Variants in CFTR observed in about 807,000 individuals in gnomAD.
CFTR encodes the protein cystic fibrosis transmembrane conductance regulator.
Under a neutral mutation model 171.6 loss-of-function variants are expected in CFTR, and 181 were observed. The observed-to-expected ratio is 1.05, with a 90% CI of 0.93 to 1.19. The LOEUF is 1.19. Among genes scored for constraint, CFTR ranks in the 50% most tolerant of loss-of-function variants. The pLI is 0.00. For missense variants in CFTR, 1,968 were observed against 1,734.7 expected, an observed-to-expected ratio of 1.13 and a Z score of -2.39; for synonymous variants, 583 against 608.0, an observed-to-expected ratio of 0.96 and a Z score of 0.60.
chr7:117,563,312 C>T (rs1200792098), intron 11 of CFTR, among the ~76,000 whole-genome samples: 1 of 151,920 alleles, frequency 6.6e-6, no homozygotes, highest in Non-Finnish European at 1.5e-5. Context: ...GTACTATTTG[C>T]TATATCTGAC....
At chr7:117,607,965 G>A (rs930154442) in intron 18 of CFTR, among the ~76,000 whole-genome samples, 1 of 152,160 alleles carries the variant, frequency 6.6e-6, no homozygotes, top group Non-Finnish European at 1.5e-5. Flanking sequence ...TTCATGTTAA[G>A]AGTGTAAATA....
At chr7:117,513,243 G>T (rs1798549405) in intron 3 of CFTR, among the ~76,000 whole-genome samples, 2 of 152,094 alleles carry the variant, frequency 1.3e-5, no homozygotes, top group South Asian at 4.2e-4. Flanking sequence ...CAGAAAGAAT[G>T]GGGGTTTGGA....
Position 117,575,103 on chromosome 7 carries a change from T to C in CFTR, c.1585-12636T>C, listed in dbSNP as rs186444233. ...ATTCAAGAGACTTTTCTGACATATA[T>C]ATCTATAGGTGAATTGTGTAGTCAT... is the stretch of plus-strand genomic sequence containing the variant. On this transcript the variant is annotated intron_variant, in intron 11 of 26. Transcript: ENST00000003084. Among the ~76,000 whole-genome samples the C allele has an allele frequency of 5.3e-4, 81 of 152,294 alleles. 1 individual carries two copies. Among genetic ancestry groups the C allele is most frequent in the African/African-American group, 1.9e-3 (79 of 41,582 alleles).
At chr7:117,497,444 T>C (rs577899675) in intron 1 of CFTR, among the ~76,000 whole-genome samples, 1 of 152,322 alleles carries the variant, frequency 6.6e-6, no homozygotes, top group Non-Finnish European at 1.5e-5. Flanking sequence ...AACATTGAAT[T>C]TGGCTCTCAT....
intron 21 of CFTR, among the ~76,000 whole-genome samples, chr7:117,621,097 T>A (rs1168665327): frequency 6.6e-6 from 1 of 152,062 alleles, no homozygotes; most frequent in African/African-American, 2.4e-5. Context: ...TGAGACTCCA[T>A]CACAAACAAA....
In CFTR at chr7:117,518,858, G is replaced by A. The variant is rs1798641906; in HGVS notation, c.273+9716G>A. 2.0e-5 allele frequency among the ~76,000 whole-genome samples: 3 copies of A among 152,126 alleles called. No homozygotes were observed. In the South Asian group the frequency reaches 6.2e-4, roughly 32 times the overall value. On this transcript the variant is annotated intron_variant, in intron 3 of 26. Coordinates refer to ENST00000003084, the MANE Select transcript of CFTR (RefSeq NM_000492.4). Reference sequence around the variant, plus strand: ...CCAGTTTGATTTTTATAAGGCACAAGAATATATTTTACTAATGCTTTAAAA... The same window carrying A: ...CCAGTTTGATTTTTATAAGGCACAAAAATATATTTTACTAATGCTTTAAAA...
chr7:117,595,117 G>A, intron 15 of CFTR, 59 bp downstream of exon 15: 1 of 1,425,168 alleles, frequency 7.0e-7, no homozygotes, highest in African/African-American at 1.5e-5. Flanking sequence ...GATAGTTTGG[G>A]GATGTATACA....
chr7:117,602,724 T>A, intron 15 of CFTR, 102 bp from the exon 16 acceptor site: 10 of 935,956 alleles, frequency 1.1e-5, no homozygotes, highest in Non-Finnish European at 1.8e-5. Context: ...ACCTTGATAT[T>A]GGTACACACA....
At chr7:117,587,910 A>C (rs1432887341) in intron 12 of CFTR, 77 bp downstream of exon 12, 1 of 872,034 alleles carries the variant, frequency 1.1e-6, no homozygotes, top group Non-Finnish European at 1.9e-6. Flanking sequence ...ACATTTCTCT[A>C]TTGCTTTATA....
intron 22 of CFTR, among the ~76,000 whole-genome samples, chr7:117,639,934 C>T (rs1473877807): frequency 6.6e-6 from 1 of 152,138 alleles, no homozygotes; most frequent in Admixed American, 6.6e-5. Context: ...TTACAAGAGT[C>T]TTCCATCTGT....
At chr7:117,529,777 C>A (rs1415844519) in intron 3 of CFTR, among the ~76,000 whole-genome samples, 3 of 152,024 alleles carry the variant, frequency 2.0e-5, no homozygotes, top group Admixed American at 6.6e-5. Flanking sequence ...TGGACAAAAA[C>A]CCCTCAAATT....
At chr7:117,534,551 C>T (rs1288948080) in intron 5 of CFTR, among the ~76,000 whole-genome samples, 186 bp downstream of exon 5, 1 of 152,156 alleles carries the variant, frequency 6.6e-6, no homozygotes, top group Non-Finnish European at 1.5e-5. Flanking sequence ...TCTGGTAGAA[C>T]CACCCAACTC....
At chr7:117,625,380 A>C (rs907468778) in intron 21 of CFTR, among the ~76,000 whole-genome samples, 1 of 152,198 alleles carries the variant, frequency 6.6e-6, no homozygotes, top group Non-Finnish European at 1.5e-5. Context: ...CTAATGGAGA[A>C]TGTAATTTGC....
chr7:117,627,349 A>ATATCC, intron 21 of CFTR, among the ~76,000 whole-genome samples, 173 bp from the exon 22 acceptor site: 1 of 152,154 alleles, frequency 6.6e-6, no homozygotes, highest in Admixed American at 6.6e-5. Flanking sequence ...CTCTTCAGTT[A>ATATCC]AACTTTTAAT....
intron 6 of CFTR, among the ~76,000 whole-genome samples, chr7:117,535,769 G>C (rs1798943567): frequency 6.6e-6 from 1 of 151,970 alleles, no homozygotes; most frequent in Non-Finnish European, 1.5e-5. Flanking sequence ...CCTGACCTCA[G>C]GTGATCCGCC....
At chr7:117,501,674 G>A (rs1188489707) in intron 1 of CFTR, among the ~76,000 whole-genome samples, 1 of 146,342 alleles carries the variant, frequency 6.8e-6, no homozygotes, top group African/African-American at 2.5e-5. Context: ...TTGAACCCAG[G>A]AGGTGGAGGT....
chr7:117,554,181 G>A (rs1029704537), intron 10 of CFTR, among the ~76,000 whole-genome samples: 2 of 152,178 alleles, frequency 1.3e-5, no homozygotes, highest in African/African-American at 4.8e-5. Flanking sequence ...AAGGGAGGAA[G>A]CAAGGAGATG....
chr7:117,661,133 C>A (rs1793274103), intron 24 of CFTR, among the ~76,000 whole-genome samples: 3 of 152,184 alleles, frequency 2.0e-5, no homozygotes, highest in Non-Finnish European at 4.4e-5. Flanking sequence ...GCATGTCTGG[C>A]AGAAAATAGA....
At chr7:117,614,286 T>A (rs1792449328) in intron 20 of CFTR, among the ~76,000 whole-genome samples, 1 of 152,108 alleles carries the variant, frequency 6.6e-6, no homozygotes. Flanking sequence ...CCGTTATTAC[T>A]TATAGAATAA....
Sources: gnomAD v4.1 joint callset for allele counts (sites outside exome capture counted in the v4.1 genomes callset) on GRCh38, gnomAD v4.1.1 for gene constraint, MANE v1.5 for transcripts, NCBI Gene and HGNC (gene_info 2026-07-23, HGNC 2026-07-21) for gene names.